The following SLC25A21 variants were observed in gnomAD, a reference collection of about 807,000 sequenced individuals.
SLC25A21 encodes solute carrier family 25 member 21.
SLC25A21 carries 47 observed loss-of-function variants against 43.8 expected under a neutral mutation model. That is an observed-to-expected ratio of 1.07 (90% CI 0.85 to 1.37). SLC25A21 has a LOEUF of 1.37. SLC25A21 is among the 40% of genes most tolerant of loss of function. The pLI, the probability that SLC25A21 is intolerant of heterozygous loss-of-function variation, is 0.00. For missense variants in SLC25A21, 352 were observed against 350.2 expected, an observed-to-expected ratio of 1.00 and a Z score of -0.04; for synonymous variants, 131 against 121.3, an observed-to-expected ratio of 1.08 and a Z score of -0.52.
intron 3 of SLC25A21, among the ~76,000 whole-genome samples, chr14:36,754,365 C>T (rs1347037000): frequency 6.6e-6 from 1 of 152,084 alleles, no homozygotes; most frequent in Non-Finnish European, 1.5e-5. Flanking sequence ...TGCAAACCTA[C>T]CACTCTTCTA....
At chr14:36,867,749 TCCC>T (rs1023017293) in intron 2 of SLC25A21, among the ~76,000 whole-genome samples, 2 of 151,762 alleles carry the variant, frequency 1.3e-5, no homozygotes, top group African/African-American at 4.8e-5. Context: ...GTCTTTGTAT[TCCC>T]CCCATTTTTG....
intron 2 of SLC25A21, among the ~76,000 whole-genome samples, chr14:36,862,350 G>C (rs1291632352): frequency 6.6e-6 from 1 of 152,152 alleles, no homozygotes; most frequent in Non-Finnish European, 1.5e-5. Flanking sequence ...CAAAGACTTG[G>C]AACCAACCCA....
At chr14:36,712,330 C>G (rs923477026) in intron 6 of SLC25A21, among the ~76,000 whole-genome samples, 15 of 149,714 alleles carry the variant, frequency 1.0e-4, no homozygotes, top group African/African-American at 3.2e-4. Flanking sequence ...GAATAGTTAA[C>G]AGGGGAAACT....
intron 7 of SLC25A21, among the ~76,000 whole-genome samples, chr14:36,704,723 G>C (rs1433018299): frequency 6.6e-6 from 1 of 151,866 alleles, no homozygotes; most frequent in African/African-American, 2.4e-5. Context: ...AATGTAGAGT[G>C]AAAGCATTAC....
intron 7 of SLC25A21, among the ~76,000 whole-genome samples, chr14:36,696,889 T>G (rs1479800823): frequency 6.6e-6 from 1 of 152,190 alleles, no homozygotes; most frequent in Non-Finnish European, 1.5e-5. Context: ...TTTGAAGGGT[T>G]TTTTTGTATC....
At chr14:36,798,679 T>C (rs962104958) in intron 3 of SLC25A21, among the ~76,000 whole-genome samples, 1 of 152,082 alleles carries the variant, frequency 6.6e-6, no homozygotes, top group Non-Finnish European at 1.5e-5. Context: ...GAAAATGACA[T>C]CAATACAGAA....
intron 1 of SLC25A21, among the ~76,000 whole-genome samples, chr14:37,060,922 C>A (rs528419853): frequency 3.1e-4 from 47 of 152,264 alleles, no homozygotes; most frequent in African/African-American, 9.6e-4. Flanking sequence ...TTTGAACATC[C>A]AGGGGACGTT....
At chr14:37,107,344 AT>A (rs894755351) in intron 1 of SLC25A21, among the ~76,000 whole-genome samples, 1 of 151,754 alleles carries the variant, frequency 6.6e-6, no homozygotes, top group Non-Finnish European at 1.5e-5. Context: ...CACCTGACTA[AT>A]TTTTTTATTT....
rs1433870833 is a variant in SLC25A21 at position 36,985,976 on chromosome 14, A to ACTATT, written c.71-110977_71-110973dup. ...TCCACCATTCTTTGACTATGGCCTT[A>ACTATT]CTATTTAATATAAGACACTACAAAG... On this transcript the variant is annotated intron_variant, in intron 1 of 9. Transcript: ENST00000331299. Among the ~76,000 whole-genome samples the ACTATT allele has an allele frequency of 2.6e-5, 4 of 152,100 alleles. 1 individual carries two copies. The South Asian group carries it at 8.3e-4, about 32-fold the overall frequency.
chr14:36,736,712 T>C (rs963503078), intron 3 of SLC25A21, among the ~76,000 whole-genome samples: 1 of 152,124 alleles, frequency 6.6e-6, no homozygotes, highest in African/African-American at 2.4e-5. Context: ...AATCCCAAAC[T>C]ACAGAGAACA....
chr14:36,878,599 G>A (rs1044840330), intron 1 of SLC25A21, among the ~76,000 whole-genome samples: 1 of 152,142 alleles, frequency 6.6e-6, no homozygotes, highest in African/African-American at 2.4e-5. Context: ...TCAAGAAACT[G>A]AGTGGTACCA....
chr14:36,841,864 C>T (rs1889395934), intron 2 of SLC25A21, among the ~76,000 whole-genome samples: 1 of 152,220 alleles, frequency 6.6e-6, no homozygotes, highest in African/African-American at 2.4e-5. Context: ...CTGCAGACTA[C>T]CCTGCTCATT....
intron 7 of SLC25A21, among the ~76,000 whole-genome samples, chr14:36,708,500 T>A (rs989123254): frequency 2.0e-5 from 3 of 152,092 alleles, no homozygotes; most frequent in African/African-American, 7.2e-5. Context: ...TGCAGTGCCA[T>A]GGTCATGGTT....
chr14:37,129,058 G>T (rs1963348535), intron 1 of SLC25A21, among the ~76,000 whole-genome samples: 1 of 152,146 alleles, frequency 6.6e-6, no homozygotes, highest in Non-Finnish European at 1.5e-5. Flanking sequence ...GTCGCATGTG[G>T]CCAGTAGCTA....
chr14:36,795,713 G>A (rs758785069), intron 3 of SLC25A21, among the ~76,000 whole-genome samples: 2 of 152,116 alleles, frequency 1.3e-5, no homozygotes, highest in Non-Finnish European at 2.9e-5. Context: ...CCTTAAATAA[G>A]TCATCCTTCC....
In SLC25A21 at chr14:36,678,058, T is replaced by C. The variant is rs1030552722; in HGVS notation, c.*2600A>G. 6.2e-6 allele frequency: 1 copy of C among 162,488 alleles called. No individual in the cohort carries two copies. Among genetic ancestry groups the C allele is most frequent in the Admixed American group, 6.3e-5 (1 of 15,952 alleles). 10.1% of individuals were successfully genotyped at this position (162,488 alleles called of 1,614,324 possible). The stretch of plus-strand genomic sequence containing the variant: ...ATATTGAGGGTTTTTTGGTACTAAT[T>C]CTGTGCAATAACTAAAAGAGCACCT... On this transcript the variant is annotated 3_prime_UTR_variant, in exon 10 of 10. Coordinates refer to ENST00000331299, the MANE Select transcript of SLC25A21 (RefSeq NM_030631.4).
chr14:36,802,537 C>G (rs1887902496), intron 3 of SLC25A21, among the ~76,000 whole-genome samples: 1 of 152,098 alleles, frequency 6.6e-6, no homozygotes, highest in South Asian at 2.1e-4. Flanking sequence ...AACTGAAGTA[C>G]AATGAGGTTA....
chr14:36,875,024 A>AG lies in SLC25A21; in HGVS notation c.71-21_71-20insC, dbSNP rs5807914. 0.91 allele frequency: 1,453,354 copies of AG among 1,602,058 alleles called. 661,800 individuals carry two copies. Among genetic ancestry groups the AG allele is most frequent in the Non-Finnish European group, 0.92 (1,081,201 of 1,170,784 alleles). On this transcript the variant is annotated intron_variant, in intron 1 of 9. Coordinates refer to ENST00000331299, the MANE Select transcript of SLC25A21 (RefSeq NM_030631.4). ...CAAGACCTGAAAGATGATAAAGAAAATCCAATAAACACTTATGTAAACACT... is the reference window on the plus strand; with the variant it reads ...CAAGACCTGAAAGATGATAAAGAAAAGTCCAATAAACACTTATGTAAACACT...
intron 1 of SLC25A21, among the ~76,000 whole-genome samples, chr14:36,957,978 T>C (rs1278299907): frequency 1.3e-5 from 2 of 152,248 alleles, no homozygotes; most frequent in Non-Finnish European, 1.5e-5. Context: ...ATATAGCGAT[T>C]AACTTGAACA....
Sources: allele counts gnomAD v4.1 joint callset (sites outside exome capture counted in the v4.1 genomes callset), GRCh38; gene constraint gnomAD v4.1.1; transcripts MANE v1.5; gene names NCBI Gene and HGNC (gene_info 2026-07-23, HGNC 2026-07-21).